Variants in LAMA2 observed in about 807,000 individuals in gnomAD.
LAMA2 encodes laminin subunit alpha-2.
In LAMA2, 269 loss-of-function variants were observed where a neutral mutation model predicts 364.8. The observed-to-expected ratio is 0.74, with a 90% CI of 0.67 to 0.82. The LOEUF is 0.82. Among genes scored for constraint, LAMA2 ranks in the 40% least tolerant of loss-of-function variants. The probability of loss-of-function intolerance (pLI) is 0.00; values close to 1 mark genes in which losing one functional copy is unlikely to be tolerated. For missense variants in LAMA2, 3,807 were observed against 3,873.2 expected (o/e 0.98, Z 0.45); for synonymous variants, 1,379 against 1,370.6 (o/e 1.01, Z -0.14).
At chr6:129,470,178 G>A (rs1208055446) in intron 51 of LAMA2, among the ~76,000 whole-genome samples, 1 of 151,868 alleles carries the variant, frequency 6.6e-6, no homozygotes, top group Admixed American at 6.6e-5. Flanking sequence ...GATTAGATGT[G>A]GTGAGGAGAA....
At chr6:129,498,218 A>G (rs1321068494) in intron 58 of LAMA2, among the ~76,000 whole-genome samples, 1 of 152,224 alleles carries the variant, frequency 6.6e-6, no homozygotes, top group African/African-American at 2.4e-5. Flanking sequence ...AAACAATACA[A>G]GTAGCCATGG....
At chr6:129,163,891 T>C (rs139999729) in intron 8 of LAMA2, among the ~76,000 whole-genome samples, 2 of 152,358 alleles carry the variant, frequency 1.3e-5, no homozygotes, top group African/African-American at 4.8e-5. Flanking sequence ...TCCATTTCTC[T>C]GAAATACTCC....
rs372632684 is a variant in LAMA2 at position 129,093,086 on chromosome 6, G to A, written c.397-5087G>A. On this transcript the variant is annotated intron_variant, in intron 3 of 64. Transcript: ENST00000421865. The stretch of plus-strand genomic sequence containing the variant: ...AACCTCCGCCTTCCGATTTTCAAGC[G>A]ATTCTCCTGCCTCAGCTTCCGGAGT... Among the ~76,000 whole-genome samples the A allele has an allele frequency of 5.5e-4, 83 of 151,874 alleles. No homozygotes were observed. The South Asian group carries it at 0.016, about 29-fold the overall frequency.
chr6:129,312,323 C>T (rs1171024059), intron 22 of LAMA2, among the ~76,000 whole-genome samples: 1 of 152,164 alleles, frequency 6.6e-6, no homozygotes, highest in Non-Finnish European at 1.5e-5. Flanking sequence ...CTAGATGTTA[C>T]TTCTCTTCAA....
intron 17 of LAMA2, among the ~76,000 whole-genome samples, chr6:129,272,117 G>T (rs1787979966): frequency 6.6e-6 from 1 of 152,110 alleles, no homozygotes; most frequent in South Asian, 2.1e-4. Context: ...TATATTCTAG[G>T]CCAAACACTG....
chr6:128,990,161 T>A (rs2114657827), intron 1 of LAMA2, among the ~76,000 whole-genome samples: 1 of 152,336 alleles, frequency 6.6e-6, no homozygotes, highest in East Asian at 1.9e-4. Context: ...AGAGGAGTGT[T>A]TATTAGATTC....
intron 20 of LAMA2, among the ~76,000 whole-genome samples, chr6:129,292,406 T>G (rs985663004): frequency 3.3e-5 from 5 of 152,342 alleles, no homozygotes; most frequent in African/African-American, 7.2e-5. Flanking sequence ...CTTCTTCTAG[T>G]TCCATCATTT....
At chr6:129,195,913 T>G (rs1382174633) in intron 12 of LAMA2, among the ~76,000 whole-genome samples, 1 of 152,228 alleles carries the variant, frequency 6.6e-6, no homozygotes, top group South Asian at 2.1e-4. Context: ...TGCTTAAGGT[T>G]GCCCTAGTGG....
chr6:129,044,168 C>CTG (rs575689516), intron 1 of LAMA2, among the ~76,000 whole-genome samples: 28 of 135,510 alleles, frequency 2.1e-4, no homozygotes, highest in Non-Finnish European at 2.8e-4. Flanking sequence ...CTGGTGTTTG[C>CTG]TGTGTGTATA....
At chr6:129,464,645 A>G (rs1048940406) in intron 50 of LAMA2, among the ~76,000 whole-genome samples, 193 bp downstream of exon 50, 11 of 151,986 alleles carry the variant, frequency 7.2e-5, no homozygotes, top group African/African-American at 2.7e-4. Context: ...TTAATCACAG[A>G]TACAATTTAA....
At chr6:129,208,035 T>C (rs1782797450) in intron 12 of LAMA2, among the ~76,000 whole-genome samples, 1 of 152,212 alleles carries the variant, frequency 6.6e-6, no homozygotes, top group South Asian at 2.1e-4. Flanking sequence ...GAAGAACATG[T>C]TATGAGTCTA....
chr6:129,169,574 C>T (rs371114097), intron 9 of LAMA2, among the ~76,000 whole-genome samples: 59 of 151,788 alleles, frequency 3.9e-4, no homozygotes, highest in Middle Eastern at 3.4e-3. Context: ...CAGTATTTTA[C>T]TGAGGATTTT....
chr6:129,095,253 G>A (rs1342494410), intron 3 of LAMA2, among the ~76,000 whole-genome samples: 3 of 152,086 alleles, frequency 2.0e-5, no homozygotes, highest in Non-Finnish European at 4.4e-5. Context: ...TTTTGCATAG[G>A]TCTAGCATAT....
intron 1 of LAMA2, among the ~76,000 whole-genome samples, chr6:129,043,202 A>T (rs776304761): frequency 6.6e-6 from 1 of 152,188 alleles, no homozygotes; most frequent in Non-Finnish European, 1.5e-5. Flanking sequence ...AATCTAAAAC[A>T]TGAGAACTTT....
At chr6:129,328,556 C>T (rs553229229) in intron 29 of LAMA2, 144 bp downstream of exon 29, 2 of 1,352,310 alleles carry the variant, frequency 1.5e-6, no homozygotes, top group Non-Finnish European at 2.1e-6. Context: ...AAAAGATATT[C>T]ACAGATTCTG....
chr6:128,908,848 T>C (rs1777684612), intron 1 of LAMA2, among the ~76,000 whole-genome samples: 2 of 149,180 alleles, frequency 1.3e-5, no homozygotes, highest in Admixed American at 6.6e-5. Context: ...TTTGTTCTTG[T>C]CGGTTTCAAA....
rs1001494293 is a variant in LAMA2, at chr6:129,486,463, T to C, written c.7750-11T>C. 1 of 1,612,786 alleles carries C rather than the reference T, an allele frequency of 6.2e-7. No individual in the cohort carries two copies. Among genetic ancestry groups the C allele is most frequent in the East Asian group, 2.2e-5 (1 of 44,836 alleles). On this transcript the variant is annotated splice_polypyrimidine_tract_variant and intron_variant, in intron 55 of 64. Transcript: ENST00000421865. Reference sequence around the variant, plus strand: ...TTCTGTTTAATCTTCAATAACCACTTGCTGTTGCAGGCCTATTATGCAATA... The same window carrying C: ...TTCTGTTTAATCTTCAATAACCACTCGCTGTTGCAGGCCTATTATGCAATA...
intron 12 of LAMA2, among the ~76,000 whole-genome samples, chr6:129,208,717 GGGAGGGAGGGAAGGAA>G (rs1475355241): frequency 7.3e-6 from 1 of 137,006 alleles, no homozygotes; most frequent in Non-Finnish European, 1.7e-5. Context: ...GGAAAAGGGA[GGGAGGGAGGGAAGGAA>G]GGAGGGAGGG....
intron 1 of LAMA2, among the ~76,000 whole-genome samples, chr6:128,923,453 T>G (rs952275199): frequency 2.7e-5 from 4 of 146,714 alleles, no homozygotes; most frequent in Admixed American, 6.8e-5. Flanking sequence ...TCCTAGGTAT[T>G]TTAGAATGTC....
Sources: gnomAD v4.1 joint callset for allele counts (sites outside exome capture counted in the v4.1 genomes callset) on GRCh38, gnomAD v4.1.1 for gene constraint, MANE v1.5 for transcripts, NCBI Gene and HGNC (gene_info 2026-07-23, HGNC 2026-07-21) for gene names.